Variants in SFMBT2 observed in about 807,000 individuals in gnomAD.
The protein encoded by SFMBT2 is Scm like with four mbt domains 2.
In SFMBT2, 38 loss-of-function variants were observed where a neutral mutation model predicts 110.1. That is an observed-to-expected ratio of 0.35 (90% CI 0.27 to 0.45). SFMBT2 has a LOEUF of 0.45. Among genes scored for constraint, SFMBT2 ranks in the 20% least tolerant of loss-of-function variants. The pLI, the probability that SFMBT2 is intolerant of heterozygous loss-of-function variation, is 1.00. For synonymous variants in SFMBT2, 425 were observed against 425.4 expected (o/e 1.00, Z 0.01); for missense variants, 1,011 against 1,094.9 (o/e 0.92, Z 1.08).
At chr10:7,319,954 G>A (rs141294093) in intron 4 of SFMBT2, among the ~76,000 whole-genome samples, 1 of 151,740 alleles carries the variant, frequency 6.6e-6, no homozygotes, top group Non-Finnish European at 1.5e-5. Flanking sequence ...GACTGAGAGA[G>A]ACAGAGAGAG....
Position 7,331,628 on chromosome 10 carries a change from C to A in SFMBT2, c.436+36021G>T, listed in dbSNP as rs546535286. Among the ~76,000 whole-genome samples, 149 of 152,256 alleles carry A rather than the reference C, an allele frequency of 9.8e-4. 1 individual carries two copies. Among genetic ancestry groups the A allele is most frequent in the Admixed American group, 9.7e-3 (149 of 15,296 alleles). ...GGTAAAGATCCTTCCTCTCTTCCTGCGCCCCCAACACTGAGAACTTGCAAG... is the reference window on the plus strand; with the variant it reads ...GGTAAAGATCCTTCCTCTCTTCCTGAGCCCCCAACACTGAGAACTTGCAAG... On this transcript the variant is annotated intron_variant, in intron 4 of 20. Coordinates refer to ENST00000397167, the MANE Select transcript of SFMBT2 (RefSeq NM_001387889.1).
intron 4 of SFMBT2, among the ~76,000 whole-genome samples, chr10:7,338,971 G>A (rs1009705208): frequency 2.0e-5 from 3 of 152,166 alleles, no homozygotes; most frequent in Non-Finnish European, 4.4e-5. Flanking sequence ...CAGGCACAGC[G>A]GCTCACACCT....
intron 11 of SFMBT2, among the ~76,000 whole-genome samples, chr10:7,218,563 A>C (rs1228263549): frequency 3.3e-5 from 5 of 152,250 alleles, no homozygotes; most frequent in African/African-American, 1.2e-4. Flanking sequence ...AAAAATGGTC[A>C]ATGTATATTT....
At chr10:7,261,966 A>T (rs1841220477) in intron 7 of SFMBT2, among the ~76,000 whole-genome samples, 3 of 152,388 alleles carry the variant, frequency 2.0e-5, no homozygotes, top group Admixed American at 2.0e-4. Context: ...AAAGTAGGCC[A>T]GCCTCCTCAG....
intron 4 of SFMBT2, among the ~76,000 whole-genome samples, chr10:7,365,372 T>A (rs2767699): frequency 6.6e-6 from 1 of 152,096 alleles, no homozygotes; most frequent in African/African-American, 2.4e-5. Flanking sequence ...CTATTTCAGA[T>A]GACCATGTAA....
chr10:7,256,238 T>A (rs1238162133), intron 7 of SFMBT2, among the ~76,000 whole-genome samples: 1 of 152,134 alleles, frequency 6.6e-6, no homozygotes. Context: ...AGCCACCAGG[T>A]TATATAACAG....
intron 4 of SFMBT2, among the ~76,000 whole-genome samples, chr10:7,300,513 A>C (rs1842528115): frequency 6.6e-6 from 1 of 152,096 alleles, no homozygotes; most frequent in African/African-American, 2.4e-5. Context: ...TGCAGTTCAC[A>C]CTGCCCCCTT....
chr10:7,342,560 C>T (rs897157848), intron 4 of SFMBT2, among the ~76,000 whole-genome samples: 7 of 151,986 alleles, frequency 4.6e-5, no homozygotes, highest in African/African-American at 1.7e-4. Flanking sequence ...AGGCACCCGC[C>T]ACCGCGCCCA....
Position 7,227,351 on chromosome 10 carries a change from A to G in SFMBT2, c.1203+504T>C, listed in dbSNP as rs1839925478. On this transcript the variant is annotated intron_variant, in intron 10 of 20. Transcript: ENST00000397167. Reference sequence around the variant, plus strand: ...CACCAAAACGTGTCCTCTTCACTCCAGAGTTCAGAATCACAGCTGGGCAGC... The same window carrying G: ...CACCAAAACGTGTCCTCTTCACTCCGGAGTTCAGAATCACAGCTGGGCAGC... Among the ~76,000 whole-genome samples the G allele has an allele frequency of 3.3e-5, 5 of 152,352 alleles. 1 individual carries two copies. In the South Asian group the frequency reaches 1.0e-3, roughly 32 times the overall value.
rs1588751659 is a variant in SFMBT2 at position 7,162,253 on chromosome 10, C to T, written c.*1517G>A. 6.6e-6 allele frequency: 1 copy of T among 152,186 alleles called. No individual in the cohort carries two copies. The highest frequency in any genetic ancestry group is 1.5e-5 in the Non-Finnish European group (1 of 68,044). 9.4% of individuals were successfully genotyped at this position (152,186 alleles called of 1,614,324 possible). ...AGAATGGCCGAGTCAGAACTGGGAC[C>T]AGACCCTTCTTATTCTTTCTTTTTC... On this transcript the variant is annotated 3_prime_UTR_variant, in exon 21 of 21. Transcript: ENST00000397167.
intron 1 of SFMBT2, among the ~76,000 whole-genome samples, chr10:7,393,126 G>C (rs1242851498): frequency 2.7e-5 from 4 of 149,812 alleles, no homozygotes; most frequent in African/African-American, 9.8e-5. Context: ...CCGCCTCCCA[G>C]TTCAAGTGAT....
At chr10:7,200,362 T>C (rs1483380448) in intron 14 of SFMBT2, 52 bp downstream of exon 14, 2 of 1,406,804 alleles carry the variant, frequency 1.4e-6, no homozygotes, top group African/African-American at 1.5e-5. Flanking sequence ...ATGTCTCTGC[T>C]CCCGGCTGCA....
At chr10:7,307,639 T>C (rs571098837) in intron 4 of SFMBT2, among the ~76,000 whole-genome samples, 66 of 152,314 alleles carry the variant, frequency 4.3e-4, no homozygotes, top group African/African-American at 1.6e-3. Flanking sequence ...AAAAAGAAAT[T>C]AGTCTTCTGC....
At chr10:7,340,466 A>T (rs1355856012) in intron 4 of SFMBT2, among the ~76,000 whole-genome samples, 1 of 151,954 alleles carries the variant, frequency 6.6e-6, no homozygotes, top group East Asian at 1.9e-4. Flanking sequence ...TCCCCAGCTA[A>T]CACAACCTTT....
intron 2 of SFMBT2, among the ~76,000 whole-genome samples, chr10:7,374,715 A>T (rs1490351531): frequency 6.6e-6 from 1 of 152,114 alleles, no homozygotes; most frequent in Non-Finnish European, 1.5e-5. Context: ...AGGTAACCAA[A>T]AGTCAGACCT....
chr10:7,247,009 C>T (rs796713056), intron 8 of SFMBT2, among the ~76,000 whole-genome samples: 4 of 152,130 alleles, frequency 2.6e-5, no homozygotes, highest in African/African-American at 7.2e-5. Context: ...AGGTTTTTAA[C>T]GGATGCTAAT....
intron 1 of SFMBT2, among the ~76,000 whole-genome samples, chr10:7,388,740 A>T (rs760903991): frequency 2.0e-5 from 3 of 151,908 alleles, no homozygotes; most frequent in African/African-American, 7.3e-5. Flanking sequence ...CTGAACAAAG[A>T]CTTGGGGTGA....
Position 7,320,153 on chromosome 10 carries a change from C to A in SFMBT2, c.437-34199G>T, listed in dbSNP as rs143946827. On this transcript the variant is annotated intron_variant, in intron 4 of 20. Transcript: ENST00000397167. Reference sequence around the variant, plus strand: ...TTGACAACGCCAACTTGGCCAGATGCATGGCTCATTACTTTAATACACTGT... The same window carrying A: ...TTGACAACGCCAACTTGGCCAGATGAATGGCTCATTACTTTAATACACTGT... 3.3e-4 allele frequency among the ~76,000 whole-genome samples: 51 copies of A among 152,346 alleles called. No individual in the cohort carries two copies. In the East Asian group the frequency reaches 8.7e-3, roughly 26 times the overall value.
At chr10:7,165,132 G>T (rs948914485) in intron 20 of SFMBT2, among the ~76,000 whole-genome samples, 2 of 152,118 alleles carry the variant, frequency 1.3e-5, no homozygotes, top group African/African-American at 2.4e-5. Context: ...TCACTGAGGG[G>T]TCTGAGAGAT....
Sources: gnomAD v4.1 joint callset for allele counts (sites outside exome capture counted in the v4.1 genomes callset) on GRCh38, gnomAD v4.1.1 for gene constraint, MANE v1.5 for transcripts, NCBI Gene and HGNC (gene_info 2026-07-23, HGNC 2026-07-21) for gene names.